The following RDH12 variants were observed in gnomAD, a reference collection of about 807,000 sequenced individuals.
The protein encoded by RDH12 is all-trans and 9-cis retinol dehydrogenase.
Under a neutral mutation model 34.0 loss-of-function variants are expected in RDH12, and 21 were observed. The observed-to-expected ratio is 0.62, with a 90% CI of 0.44 to 0.89. The LOEUF (loss-of-function observed/expected upper bound fraction) is 0.89, where lower values mean the gene tolerates loss of function less well. RDH12 is among the 40% of genes least tolerant of loss of function. The pLI is 0.00. For synonymous variants in RDH12, 198 were observed against 169.9 expected, an observed-to-expected ratio of 1.17 and a Z score of -1.29; for missense variants, 394 against 398.6, an observed-to-expected ratio of 0.99 and a Z score of 0.10.
At chr14:67,729,966 G>A (rs1227574109) in intron 8 of RDH12, 8 of 375,092 alleles carry the variant, frequency 2.1e-5, no homozygotes, top group Non-Finnish European at 3.1e-5. Context: ...CTGTTGTCCC[G>A]CTTTGTTCAA....
chr14:67,725,299 G>A, intron 5 of RDH12, 45 bp downstream of exon 5: 2 of 1,602,056 alleles, frequency 1.2e-6, no homozygotes, highest in Non-Finnish European at 1.7e-6. Context: ...ATTGGGTATG[G>A]GAGTGGCTGC....
At position 67,733,807 on chromosome 14, in the gene RDH12, T is replaced by C. The variant is rs878853339; in HGVS notation, c.910T>C (p.Trp304Arg). ...ARNNKTAERL[W>R]NVSCELLGIR... ...AAATAACAAAACAGCTGAGCGCCTA[T>C]GGAATGTCAGCTGTGAGCTTCTAGG... Residue 304 changes from tryptophan (W) to arginine (R), a missense_variant, in exon 9 of 9, where the codon TGG (tryptophan) becomes CGG (arginine). Coordinates refer to ENST00000551171, the MANE Select transcript of RDH12 (RefSeq NM_152443.3). 2.5e-6 allele frequency: 4 copies of C among 1,613,486 alleles called. No homozygotes were observed. Among genetic ancestry groups the C allele is most frequent in the African/African-American group, 2.7e-5 (2 of 75,020 alleles).
At chr14:67,702,805 A>T (rs1430659554) in intron 1 of RDH12, among the ~76,000 whole-genome samples, 1 of 152,074 alleles carries the variant, frequency 6.6e-6, no homozygotes, top group East Asian at 1.9e-4. Flanking sequence ...TAGAGATCTT[A>T]TACCTTTATT....
intron 3 of RDH12, 60 bp from the exon 4 acceptor site, chr14:67,724,413 G>C: frequency 3.6e-6 from 3 of 840,646 alleles, no homozygotes; most frequent in Non-Finnish European, 5.6e-6. Context: ...TTTTTTTAAC[G>C]TATCTTAGTG....
chr14:67,722,994 A>G (rs1425911998), intron 3 of RDH12, among the ~76,000 whole-genome samples: 1 of 152,192 alleles, frequency 6.6e-6, no homozygotes, highest in Non-Finnish European at 1.5e-5. Context: ...GTAGCTCAAC[A>G]AACACCTTAG....
At position 67,734,148 on chromosome 14, in the gene RDH12, C is replaced by T. The variant is rs1054262888; in HGVS notation, c.*300C>T. The T allele has an allele frequency of 2.4e-4, 78 of 331,440 alleles. No homozygotes were observed. Among genetic ancestry groups the T allele is most frequent in the Middle Eastern group, 1.1e-3 (1 of 938 alleles). 20.5% of individuals were successfully genotyped at this position (331,440 alleles called of 1,614,324 possible). On this transcript the variant is annotated 3_prime_UTR_variant, in exon 9 of 9. Coordinates refer to ENST00000551171, the MANE Select transcript of RDH12 (RefSeq NM_152443.3). ...GCTGGGCATGGGGGTGGCAGAAGAG[C>T]CCGAGAAATTGGGTCAGTTCCCTCA... is the stretch of plus-strand genomic sequence containing the variant.
intron 8 of RDH12, among the ~76,000 whole-genome samples, chr14:67,730,859 C>A (rs960648477): frequency 6.6e-6 from 1 of 152,290 alleles, no homozygotes; most frequent in Middle Eastern, 3.4e-3. Context: ...CTGCCTTGGC[C>A]TCCTAAAGTG....
At chr14:67,704,284 C>G (rs897956332) in intron 1 of RDH12, among the ~76,000 whole-genome samples, 4 of 152,148 alleles carry the variant, frequency 2.6e-5, no homozygotes, top group African/African-American at 9.7e-5. Context: ...AAGGAGAAAG[C>G]CTCCTAAATC....
chr14:67,726,216 G>T, intron 6 of RDH12, 61 bp downstream of exon 6: 2 of 990,814 alleles, frequency 2.0e-6, no homozygotes, highest in South Asian at 2.5e-5. Flanking sequence ...TTAGGAAGAT[G>T]ACACTGTGTA....
Position 67,722,551 on chromosome 14 carries a change from C to A in RDH12, c.-92C>A. ...GGAGCAGAGAAGCAGCAGAAGCAGC[C>A]AAGAGCTGGAGCCAGACCAGGAACC... On this transcript the variant is annotated 5_prime_UTR_variant, in exon 3 of 9. Transcript: ENST00000551171. 9.4e-7 allele frequency: 1 copy of A among 1,068,166 alleles called. No homozygotes were observed. Among genetic ancestry groups the A allele is most frequent in the Non-Finnish European group, 1.5e-6 (1 of 682,078 alleles). 66.2% of individuals were successfully genotyped at this position (1,068,166 alleles called of 1,614,324 possible).
intron 1 of RDH12, among the ~76,000 whole-genome samples, chr14:67,710,862 T>A (rs11624933): frequency 6.6e-6 from 1 of 152,116 alleles, no homozygotes; most frequent in Non-Finnish European, 1.5e-5. Flanking sequence ...GTATTTATTC[T>A]ATTACATTTA....
chr14:67,713,469 T>C (rs1167616737), intron 1 of RDH12, among the ~76,000 whole-genome samples: 1 of 149,354 alleles, frequency 6.7e-6, no homozygotes. Flanking sequence ...GACCAAATTT[T>C]GGGACATCAG....
chr14:67,733,018 GC>G (rs1290212093), intron 8 of RDH12, among the ~76,000 whole-genome samples: 1 of 152,074 alleles, frequency 6.6e-6, no homozygotes, highest in Non-Finnish European at 1.5e-5. Context: ...TATACCTAAT[GC>G]TAAATGACGA....
intron 8 of RDH12, 103 bp downstream of exon 8, chr14:67,729,483 C>A: frequency 2.5e-6 from 3 of 1,191,526 alleles, no homozygotes; most frequent in Non-Finnish European, 2.4e-6. Context: ...CCTGATGATG[C>A]AATCCAGGTT....
intron 1 of RDH12, among the ~76,000 whole-genome samples, chr14:67,713,611 C>T (rs978265915): frequency 6.6e-6 from 1 of 152,038 alleles, no homozygotes; most frequent in African/African-American, 2.4e-5. Context: ...CATTGAGAAT[C>T]CTTTTGTGGT....
intron 2 of RDH12, among the ~76,000 whole-genome samples, 180 bp downstream of exon 2, chr14:67,721,082 G>A (rs531143952): frequency 6.6e-6 from 1 of 152,342 alleles, no homozygotes; most frequent in East Asian, 1.9e-4. Flanking sequence ...GTAAATGTGT[G>A]TTGAGGATGA....
chr14:67,718,379 G>C (rs1314818305), intron 1 of RDH12, among the ~76,000 whole-genome samples: 1 of 152,234 alleles, frequency 6.6e-6, no homozygotes, highest in Non-Finnish European at 1.5e-5. Context: ...TCCATTCTTA[G>C]TAGGGTATCC....
chr14:67,733,724 ACTGT>A lies in RDH12; in HGVS notation c.849-19_849-16del. On this transcript the variant is annotated intron_variant, in intron 8 of 8. Transcript: ENST00000551171. ...CTGCTAATTCTCATTCCTGGAATTT[ACTGT>A]CTTTCTCTGCCCTCCAGTGACTGCA... 6.6e-7 allele frequency: 1 copy of A among 1,520,108 alleles called. No homozygotes were observed. The highest frequency in any genetic ancestry group is 9.1e-7 in the Non-Finnish European group (1 of 1,095,026). The allele number at this position is 1,520,108 out of a possible 1,614,324, so 94.2% of individuals were successfully genotyped here.
chr14:67,720,487 C>G (rs1198971460), intron 1 of RDH12, among the ~76,000 whole-genome samples: 1 of 152,176 alleles, frequency 6.6e-6, no homozygotes, highest in Non-Finnish European at 1.5e-5. Context: ...ATACTTACGT[C>G]TTTGAGGTAT....
Sources: gnomAD v4.1 joint callset for allele counts (sites outside exome capture counted in the v4.1 genomes callset) on GRCh38, gnomAD v4.1.1 for gene constraint, MANE v1.5 for transcripts, NCBI Gene and HGNC (gene_info 2026-07-23, HGNC 2026-07-21) for gene names.